The following ARHGEF3 variants were observed in gnomAD, a reference collection of about 807,000 sequenced individuals.
ARHGEF3 encodes the protein Rho guanine nucleotide exchange factor 3, also known as 59.8 kDA protein.
ARHGEF3 carries 28 observed loss-of-function variants against 63.2 expected under a neutral mutation model. The observed-to-expected ratio is 0.44, with a 90% CI of 0.33 to 0.61. ARHGEF3 has a LOEUF of 0.61. Ranked by LOEUF, ARHGEF3 falls within the 20% of genes least tolerant of loss-of-function variation. The probability of loss-of-function intolerance (pLI) is 0.03; values close to 1 mark genes in which losing one functional copy is unlikely to be tolerated. For missense variants in ARHGEF3, 533 were observed against 659.3 expected (o/e 0.81, Z 2.10); for synonymous variants, 266 against 254.2 (o/e 1.05, Z -0.44).
chr3:57,064,319 CTTTCTTTTTT>C (rs1240549152), intron 1 of ARHGEF3, among the ~76,000 whole-genome samples: 3 of 149,242 alleles, frequency 2.0e-5, no homozygotes, highest in African/African-American at 5.1e-5. Context: ...TTTTTTTTTT[CTTTCTTTTTT>C]TTTCTTTTTT....
chr3:56,828,413 A>C (rs1332277698), intron 4 of ARHGEF3, among the ~76,000 whole-genome samples: 1 of 152,168 alleles, frequency 6.6e-6, no homozygotes, highest in Non-Finnish European at 1.5e-5. Context: ...AGGAGCCTGT[A>C]ATCCCAGCTA....
intron 8 of ARHGEF3, among the ~76,000 whole-genome samples, chr3:56,734,418 C>G (rs2033456637): frequency 6.6e-6 from 1 of 152,076 alleles, no homozygotes; most frequent in African/African-American, 2.4e-5. Flanking sequence ...ACTGGGGACT[C>G]TAAAAGGCAA....
At chr3:57,017,030 T>TCACACA (rs1361265165) in intron 2 of ARHGEF3, among the ~76,000 whole-genome samples, 25 of 67,798 alleles carry the variant, frequency 3.7e-4, no homozygotes, top group East Asian at 8.2e-4. Flanking sequence ...TCTCTCTCTC[T>TCACACA]CTCACACACA....
At chr3:57,046,681 A>G (rs1050051152) in intron 1 of ARHGEF3, among the ~76,000 whole-genome samples, 5 of 152,162 alleles carry the variant, frequency 3.3e-5, no homozygotes, top group African/African-American at 1.2e-4. Flanking sequence ...GTTCAGCTGC[A>G]CTGCAGGTAA....
At chr3:56,767,228 C>T (rs1454657937) in intron 2 of ARHGEF3, among the ~76,000 whole-genome samples, 6 of 151,600 alleles carry the variant, frequency 4.0e-5, no homozygotes, top group Admixed American at 1.3e-4. Context: ...TATTTTATAC[C>T]GTTAAGACCA....
intron 3 of ARHGEF3, among the ~76,000 whole-genome samples, chr3:56,902,222 GA>G (rs1560035486): frequency 6.6e-6 from 1 of 152,226 alleles, no homozygotes; most frequent in Non-Finnish European, 1.5e-5. Context: ...GTCTGTGAAT[GA>G]CTGCACAAGT....
chr3:57,002,483 A>ATATATATATGTTATATATATATATATGT (rs1702256305), intron 2 of ARHGEF3, among the ~76,000 whole-genome samples: 2 of 40,698 alleles, frequency 4.9e-5, no homozygotes, highest in East Asian at 1.4e-3. Flanking sequence ...TATATGTTAT[A>ATATATATATGTTATATATATATATATGT]TATATATATA....
Position 57,019,001 on chromosome 3 carries a change from C to T in ARHGEF3, c.62+16087G>A, listed in dbSNP as rs143798419. On this transcript the variant is annotated intron_variant, in intron 2 of 12. Coordinates refer to the ARHGEF3 transcript ENST00000338458. The stretch of plus-strand genomic sequence containing the variant: ...GATTTTCCAGAAAAAAAAAAATTAA[C>T]AGTATCATGAAATGAGGGATGAGAA... Among the ~76,000 whole-genome samples the T allele has an allele frequency of 8.2e-4, 125 of 151,944 alleles. 3 individuals are homozygous for T. In the East Asian group the frequency reaches 0.018, roughly 22 times the overall value.
chr3:57,076,219 C>T (rs1002518857), intron 1 of ARHGEF3, among the ~76,000 whole-genome samples: 28 of 151,380 alleles, frequency 1.8e-4, no homozygotes, highest in Non-Finnish European at 1.5e-5. Flanking sequence ...GTTACAGGAG[C>T]CTGAACAATA....
chr3:56,902,074 C>T (rs1192739480), intron 3 of ARHGEF3, among the ~76,000 whole-genome samples: 1 of 152,114 alleles, frequency 6.6e-6, no homozygotes, highest in Non-Finnish European at 1.5e-5. Context: ...ACAATGTGAA[C>T]AACATGGCAC....
intron 1 of ARHGEF3, among the ~76,000 whole-genome samples, chr3:57,067,643 T>G (rs1327496561): frequency 6.6e-6 from 1 of 150,778 alleles, no homozygotes; most frequent in Non-Finnish European, 1.5e-5. Flanking sequence ...GAGACCAGCC[T>G]GGGTAATACA....
At chr3:56,984,698 G>A (rs1038942358) in intron 2 of ARHGEF3, among the ~76,000 whole-genome samples, 4 of 152,158 alleles carry the variant, frequency 2.6e-5, no homozygotes, top group African/African-American at 9.7e-5. Context: ...CTGCCAACAT[G>A]AAACTACATC....
chr3:56,968,053 A>ATATAT (rs59922634), intron 2 of ARHGEF3, among the ~76,000 whole-genome samples: 33,710 of 46,940 alleles, frequency 0.72, 11,061 homozygotes, highest in Middle Eastern at 0.82. Flanking sequence ...AATATATATA[A>ATATAT]TATATATAAT....
chr3:56,923,552 GAA>G (rs948651571), intron 3 of ARHGEF3, among the ~76,000 whole-genome samples: 1 of 151,312 alleles, frequency 6.6e-6, no homozygotes, highest in Non-Finnish European at 1.5e-5. Flanking sequence ...TTCCAATAGA[GAA>G]AAAAAATGAG....
At chr3:56,770,218 C>T (rs1200352847) in intron 2 of ARHGEF3, among the ~76,000 whole-genome samples, 1 of 152,004 alleles carries the variant, frequency 6.6e-6, no homozygotes, top group Non-Finnish European at 1.5e-5. Flanking sequence ...CTGAGACCAG[C>T]CTGGCCAACA....
intron 3 of ARHGEF3, among the ~76,000 whole-genome samples, chr3:56,926,823 T>C (rs1434057426): frequency 1.3e-5 from 2 of 152,050 alleles, no homozygotes; most frequent in Non-Finnish European, 2.9e-5. Flanking sequence ...AGAATGTGTG[T>C]GGTTGAGCCA....
At position 56,844,779 on chromosome 3, in the gene ARHGEF3, C is replaced by T. The variant is rs1007472361; in HGVS notation, c.192+37513G>A. 2.6e-5 allele frequency among the ~76,000 whole-genome samples: 4 copies of T among 152,288 alleles called. No homozygotes were observed. In the South Asian group the frequency reaches 8.3e-4, roughly 32 times the overall value. On this transcript the variant is annotated intron_variant, in intron 4 of 12. Coordinates refer to the ARHGEF3 transcript ENST00000338458. ...TTTTCTGGGAGCCTTCACCAAGTCA[C>T]TAAACATTACACATAGCAGATGGCC...
chr3:57,061,946 AACAAGGTGCTGCTCTGCCT>A, intron 1 of ARHGEF3, among the ~76,000 whole-genome samples: 1 of 152,286 alleles, frequency 6.6e-6, no homozygotes, highest in African/African-American at 2.4e-5. Flanking sequence ...TTGTGACAAA[AACAAGGTGCTGCTCTGCCT>A]ACAAGCATTT....
At chr3:56,831,279 G>A (rs1226476527) in intron 4 of ARHGEF3, among the ~76,000 whole-genome samples, 3 of 152,196 alleles carry the variant, frequency 2.0e-5, no homozygotes, top group Non-Finnish European at 4.4e-5. Context: ...CCTCCATTCT[G>A]TAACTGGCTT....
Sources: allele counts gnomAD v4.1 joint callset (sites outside exome capture counted in the v4.1 genomes callset), GRCh38; gene constraint gnomAD v4.1.1; transcripts MANE v1.5; gene names NCBI Gene and HGNC (gene_info 2026-07-23, HGNC 2026-07-21).